The following MARCHF10 variants were observed in gnomAD, a reference collection of about 807,000 sequenced individuals.
MARCHF10 encodes membrane associated ring-CH-type finger 10.
MARCHF10 carries 64 observed loss-of-function variants against 76.2 expected under a neutral mutation model. The observed-to-expected ratio is 0.84, with a 90% confidence interval of 0.69 to 1.03. The LOEUF (loss-of-function observed/expected upper bound fraction) is 1.03. MARCHF10 is among the 50% of genes least tolerant of loss of function. The probability of loss-of-function intolerance (pLI) is 0.00; values close to 1 mark genes in which losing one functional copy is unlikely to be tolerated. For synonymous variants in MARCHF10, 340 were observed against 357.5 expected (o/e 0.95, Z 0.55); for missense variants, 875 against 958.0 (o/e 0.91, Z 1.14).
intron 3 of MARCHF10, among the ~76,000 whole-genome samples, chr17:62,762,067 G>A (rs1181621231): frequency 2.0e-5 from 3 of 152,100 alleles, no homozygotes; most frequent in East Asian, 1.9e-4. Flanking sequence ...GCAGGTGTCC[G>A]CTCAGCTCAT....
intron 2 of MARCHF10, among the ~76,000 whole-genome samples, chr17:62,791,697 CAG>C (rs1447422887): frequency 1.3e-5 from 2 of 152,182 alleles, no homozygotes; most frequent in Non-Finnish European, 2.9e-5. Flanking sequence ...AGAAGGAACA[CAG>C]GGGCAGAGCA....
In MARCHF10 at chr17:62,745,030, T is replaced by C. The variant is rs2091654453; in HGVS notation, c.383-502A>G. On this transcript the variant is annotated intron_variant, in intron 4 of 10. Transcript: ENST00000311269. ...AAAAAAAAAAAAAAAGCCTCCTTCA[T>C]AAGCACCCATGATGCCTGCGATGCA... 1.4e-5 allele frequency among the ~76,000 whole-genome samples: 2 copies of C among 148,096 alleles called. 1 individual carries two copies. Among genetic ancestry groups the C allele is most frequent in the South Asian group, 4.3e-4 (2 of 4,704 alleles).
At chr17:62,760,682 C>A (rs8064732) in intron 3 of MARCHF10, among the ~76,000 whole-genome samples, 3 of 152,068 alleles carry the variant, frequency 2.0e-5, no homozygotes, top group African/African-American at 4.8e-5. Context: ...TTACACCCAC[C>A]AAAGAAAGGA....
At chr17:62,775,169 A>G (rs1484988489) in intron 3 of MARCHF10, among the ~76,000 whole-genome samples, 1 of 141,864 alleles carries the variant, frequency 7.0e-6, no homozygotes, top group African/African-American at 2.6e-5. Flanking sequence ...TCTCTCGCCC[A>G]GGCTGGAGTG....
Position 62,738,941 on chromosome 17 carries a change from C to T in MARCHF10, c.536-1609G>A, listed in dbSNP as rs1428256111. 1.3e-5 allele frequency among the ~76,000 whole-genome samples: 2 copies of T among 152,086 alleles called. No individual in the cohort carries two copies. The highest frequency in any genetic ancestry group is 2.9e-5 in the Non-Finnish European group (2 of 68,004). ...GTGGCGAGGCCACTCCAGACTGGGC[C>T]GACCCCCATTTTGGGAACAAATGCT... On this transcript the variant is annotated intron_variant, in intron 5 of 10. Coordinates refer to ENST00000311269, the MANE Select transcript of MARCHF10 (RefSeq NM_152598.4). The surrounding 1 kb of genome is among the most constrained non-coding windows in gnomAD (Gnocchi z 4.0).
chr17:62,742,166 T>C (rs779935892), intron 5 of MARCHF10, among the ~76,000 whole-genome samples: 4 of 151,728 alleles, frequency 2.6e-5, no homozygotes, highest in Non-Finnish European at 4.4e-5. Context: ...ATTACAGGCA[T>C]GTGCCACCAC....
intron 1 of MARCHF10, among the ~76,000 whole-genome samples, chr17:62,804,672 T>A (rs1191115930): frequency 6.6e-6 from 1 of 152,108 alleles, no homozygotes; most frequent in Non-Finnish European, 1.5e-5. Context: ...GGCCCAAATT[T>A]ATGGCCAAGA....
At chr17:62,776,336 T>C (rs192621650) in intron 3 of MARCHF10, among the ~76,000 whole-genome samples, 6 of 152,302 alleles carry the variant, frequency 3.9e-5, no homozygotes, top group African/African-American at 9.6e-5. Flanking sequence ...GGGATAACAA[T>C]TGGTGCTTCT....
rs2091392401 is a variant in MARCHF10 at position 62,738,708 on chromosome 17, A to C, written c.536-1376T>G. Among the ~76,000 whole-genome samples the C allele has an allele frequency of 6.6e-6, 1 of 152,154 alleles. No individual in the cohort carries two copies. The highest frequency in any genetic ancestry group is 2.4e-5 in the African/African-American group (1 of 41,430). On this transcript the variant is annotated intron_variant, in intron 5 of 10. Transcript: ENST00000311269. This position sits in a 1 kb window ranked among gnomAD's most constrained non-coding sequence, Gnocchi z 4.0. ...AGGGGGACACCAGTGTGAGTCTCTAATGTCCTAACACTCGGGCAGCTTCTT... is the reference window on the plus strand; with the variant it reads ...AGGGGGACACCAGTGTGAGTCTCTACTGTCCTAACACTCGGGCAGCTTCTT...
chr17:62,804,006 C>T (rs950417805), intron 1 of MARCHF10, among the ~76,000 whole-genome samples: 5 of 152,074 alleles, frequency 3.3e-5, no homozygotes, highest in African/African-American at 7.2e-5. Context: ...GGGGAAGAGT[C>T]GGGATGTGAA....
intron 8 of MARCHF10, among the ~76,000 whole-genome samples, chr17:62,715,971 G>A (rs2090173513): frequency 6.6e-6 from 1 of 152,196 alleles, no homozygotes; most frequent in Non-Finnish European, 1.5e-5. Flanking sequence ...GACACGCCCT[G>A]ATCTGTGCTC....
chr17:62,794,271 C>A (rs1376498134), intron 2 of MARCHF10, among the ~76,000 whole-genome samples: 3 of 152,160 alleles, frequency 2.0e-5, no homozygotes, highest in African/African-American at 7.2e-5. Flanking sequence ...ACCTCCCCAC[C>A]ATTACCACTG....
chr17:62,749,082 A>G (rs1202183825), intron 4 of MARCHF10, among the ~76,000 whole-genome samples: 1 of 152,206 alleles, frequency 6.6e-6, no homozygotes. Context: ...GATCTGAGAA[A>G]GGTGATGCCT....
chr17:62,735,763 T>C, intron 6 of MARCHF10, 168 bp downstream of exon 6: 1 of 615,740 alleles, frequency 1.6e-6, no homozygotes, highest in Non-Finnish European at 2.7e-6. Flanking sequence ...TAAATACGTA[T>C]ATTTTAAGAG....
chr17:62,771,875 C>T (rs547693623), intron 3 of MARCHF10, among the ~76,000 whole-genome samples: 14 of 152,274 alleles, frequency 9.2e-5, no homozygotes, highest in South Asian at 4.1e-4. Flanking sequence ...CCACCCCCAG[C>T]CTGCTTGTCA....
chr17:62,783,256 T>C (rs1031355988), intron 3 of MARCHF10, among the ~76,000 whole-genome samples: 1 of 146,448 alleles, frequency 6.8e-6, no homozygotes, highest in South Asian at 2.3e-4. Context: ...AAATGTTGTA[T>C]TGGCTGCTCC....
At chr17:62,721,358 A>AC (rs201756379) in intron 8 of MARCHF10, among the ~76,000 whole-genome samples, 9 of 127,118 alleles carry the variant, frequency 7.1e-5, no homozygotes, top group Non-Finnish European at 1.0e-4. Context: ...GTGATATATT[A>AC]CCCCCCTTTT....
chr17:62,736,257 G>A lies in MARCHF10; in HGVS notation c.1611C>T (p.His537=), dbSNP rs375622363. The change falls in exon 6 of 11, where the codon CAC becomes CAT. Residue 537 remains histidine (H), a synonymous_variant. Coordinates refer to ENST00000311269, the MANE Select transcript of MARCHF10 (RefSeq NM_152598.4). ...NHNYFPVNSA[H]EFAVREAEDT... is the part of the protein sequence containing the mutation. The stretch of plus-strand genomic sequence containing the variant: ...CTTCTGCTTCCCTGACAGCAAATTC[G>A]TGTGCACTGTTTACTGGGAAATAAT... The A allele has an allele frequency of 1.1e-5, 17 of 1,614,098 alleles. No individual in the cohort carries two copies. The highest frequency in any genetic ancestry group is 5.3e-5 in the African/African-American group (4 of 74,930).
chr17:62,793,903 CCTCCATCAT>C (rs2092935530), intron 2 of MARCHF10, among the ~76,000 whole-genome samples: 1 of 150,462 alleles, frequency 6.6e-6, no homozygotes, highest in African/African-American at 2.5e-5. Context: ...TCAACCACCA[CCTCCATCAT>C]CACCACCACC....
Sources: allele counts gnomAD v4.1 joint callset (sites outside exome capture counted in the v4.1 genomes callset), GRCh38; gene constraint gnomAD v4.1.1; non-coding constraint Gnocchi (gnomAD v3.1); transcripts MANE v1.5; gene names NCBI Gene and HGNC (gene_info 2026-07-23, HGNC 2026-07-21).